Variants in USP43 observed in about 807,000 individuals in gnomAD.
The protein encoded by USP43 is ubiquitin carboxyl-terminal hydrolase 43.
Under a neutral mutation model 90.7 loss-of-function variants are expected in USP43, and 33 were observed. The ratio of observed to expected loss-of-function variants is 0.36; its 90% CI spans 0.28 to 0.49. USP43 has a LOEUF of 0.49. USP43 is among the 20% of genes least tolerant of loss of function. The probability of loss-of-function intolerance (pLI) is 0.98; values close to 1 mark genes in which losing one functional copy is unlikely to be tolerated. For missense variants in USP43, 1,274 were observed against 1,476.4 expected (o/e 0.86, Z 2.25); for synonymous variants, 598 against 615.8 (o/e 0.97, Z 0.43).
rs562135458 is a variant in USP43, at chr17:9,704,807, C to T, written c.2011+3107C>T. ...GTGTTGAACCCCTTCCTTGCAGAGG[C>T]GAGTGTGTGACCTCCACTCCATCTG... On this transcript the variant is annotated intron_variant, in intron 12 of 14. Transcript: ENST00000285199. Among the ~76,000 whole-genome samples, 136 of 150,606 alleles carry T rather than the reference C, an allele frequency of 9.0e-4. No individual in the cohort carries two copies. In the South Asian group the frequency reaches 0.021, roughly 24 times the overall value.
At chr17:9,685,473 G>A (rs1309390676) in intron 7 of USP43, among the ~76,000 whole-genome samples, 1 of 152,116 alleles carries the variant, frequency 6.6e-6, no homozygotes, top group Non-Finnish European at 1.5e-5. Flanking sequence ...CCTTCCCCTG[G>A]CTCCAAGCTT....
intron 8 of USP43, 109 bp from the exon 9 acceptor site, chr17:9,693,018 C>A: frequency 1.2e-6 from 1 of 850,486 alleles, no homozygotes; most frequent in South Asian, 1.7e-5. Flanking sequence ...ATTCAAAATA[C>A]ACTATGGAAA....
At chr17:9,714,024 T>A (rs575632003) in intron 14 of USP43, among the ~76,000 whole-genome samples, 15 of 152,310 alleles carry the variant, frequency 9.8e-5, no homozygotes, top group African/African-American at 3.4e-4. Flanking sequence ...CATGAGATTC[T>A]CATAAGGAGC....
rs1476207161 is a variant in USP43, at chr17:9,729,182, C to G, written c.*192C>G. 1.8e-5 allele frequency: 8 copies of G among 439,276 alleles called. No individual in the cohort carries two copies. Among genetic ancestry groups the G allele is most frequent in the African/African-American group, 6.1e-5 (3 of 48,950 alleles). 27.2% of individuals were successfully genotyped at this position (439,276 alleles called of 1,614,324 possible). On this transcript the variant is annotated 3_prime_UTR_variant, in exon 15 of 15. Transcript: ENST00000285199. ...ACCCAAGGTCCATATAACCCAAGGT[C>G]GAAAACCTTCCTGCATCATTGGGTG...
chr17:9,667,512 A>G (rs1913116889), intron 3 of USP43, among the ~76,000 whole-genome samples: 1 of 152,268 alleles, frequency 6.6e-6, no homozygotes, highest in Non-Finnish European at 1.5e-5. Flanking sequence ...CATACAAGGC[A>G]GAATCGTTTC....
chr17:9,677,927 A>G (rs1456848220), intron 5 of USP43, among the ~76,000 whole-genome samples: 6 of 152,094 alleles, frequency 3.9e-5, no homozygotes, highest in Admixed American at 2.6e-4. Flanking sequence ...CCCCTGCCCA[A>G]TCAATCCCTC....
chr17:9,664,845 G>C (rs1912912768), intron 2 of USP43, among the ~76,000 whole-genome samples: 1 of 152,130 alleles, frequency 6.6e-6, no homozygotes, highest in African/African-American at 2.4e-5. Context: ...CACCGTGTTA[G>C]CCAGGATGGT....
intron 3 of USP43, among the ~76,000 whole-genome samples, chr17:9,669,145 G>A (rs1913234012): frequency 6.6e-6 from 1 of 152,076 alleles, no homozygotes; most frequent in African/African-American, 2.4e-5. Context: ...CGCCCGGCCG[G>A]GCATCTGTCT....
At chr17:9,716,797 G>T (rs902877536) in intron 14 of USP43, among the ~76,000 whole-genome samples, 1 of 152,118 alleles carries the variant, frequency 6.6e-6, no homozygotes, top group Non-Finnish European at 1.5e-5. Flanking sequence ...GAAGCTATCT[G>T]CAATGTCTGC....
chr17:9,651,901 A>G (rs73255726), intron 1 of USP43, among the ~76,000 whole-genome samples: 4,026 of 152,324 alleles, frequency 0.026, 166 homozygotes, highest in African/African-American at 0.09. Context: ...GTCATTCATG[A>G]TACCAGATAG....
chr17:9,649,669 G>T (rs1911720226), intron 1 of USP43, among the ~76,000 whole-genome samples: 1 of 125,372 alleles, frequency 8.0e-6, no homozygotes, highest in Non-Finnish European at 1.6e-5. Flanking sequence ...ATTAAATGTT[G>T]CACATTGTAA....
In USP43 at chr17:9,712,045, C is replaced by T; in HGVS notation, c.2248C>T (p.Leu750=). 6.2e-7 allele frequency: 1 copy of T among 1,612,936 alleles called. No individual in the cohort carries two copies. Among genetic ancestry groups the T allele is most frequent in the Non-Finnish European group, 8.5e-7 (1 of 1,179,402 alleles). The change falls in exon 14 of 15, where the codon CTG becomes TTG. Residue 750 remains leucine, a synonymous_variant. Transcript: ENST00000285199. Reference sequence around the variant, plus strand: ...CGCTGGCAGCACAAGGGGAAGCCTGCTGTCCTGGAGCTCTGCCCCCTGCCC... The same window carrying T: ...CGCTGGCAGCACAAGGGGAAGCCTGTTGTCCTGGAGCTCTGCCCCCTGCCC... The part of the protein sequence containing the change: ...SHAGSTRGSL[L]SWSSAPCPSL...
At chr17:9,682,136 ACTT>A (rs1194431326) in intron 6 of USP43, among the ~76,000 whole-genome samples, 2 of 152,144 alleles carry the variant, frequency 1.3e-5, no homozygotes, top group East Asian at 3.8e-4. Flanking sequence ...ATCTCTATAT[ACTT>A]CTTATGTTGG....
At chr17:9,676,984 A>T in intron 5 of USP43, 103 bp downstream of exon 5, 1 of 1,429,336 alleles carries the variant, frequency 7.0e-7, no homozygotes, top group South Asian at 1.4e-5. Flanking sequence ...AGGTGACTCC[A>T]GTATGACTCA....
In USP43 at chr17:9,682,948, C is replaced by A. The variant is rs779560239; in HGVS notation, c.1231C>A (p.Gln411Lys). 1.1e-5 allele frequency: 18 copies of A among 1,613,084 alleles called. No homozygotes were observed. The East Asian group carries it at 3.8e-4, about 34-fold the overall frequency. Residue 411 changes from glutamine to lysine, a missense_variant, in exon 7 of 15, where the codon CAG becomes AAG. Transcript: ENST00000285199. Reference sequence around the variant, plus strand: ...CTGTAACTTGGTGGGGTCAGGGCAGCAGGCTAGCAGGTATGTTTCACTTTA... The same window carrying A: ...CTGTAACTTGGTGGGGTCAGGGCAGAAGGCTAGCAGGTATGTTTCACTTTA... ...LFCNLVGSGQ[Q>K]ASRFGPPFLI... is the part of the protein sequence containing the mutation.
intron 3 of USP43, among the ~76,000 whole-genome samples, chr17:9,672,485 C>T (rs906893871): frequency 3.9e-5 from 6 of 152,074 alleles, no homozygotes; most frequent in African/African-American, 7.2e-5. Flanking sequence ...AGCATGAAGA[C>T]GTCAATGAAA....
chr17:9,706,865 G>C (rs1915913931), intron 12 of USP43, among the ~76,000 whole-genome samples: 1 of 151,856 alleles, frequency 6.6e-6, no homozygotes, highest in South Asian at 2.1e-4. Context: ...GGCTGGTCTT[G>C]AACTCCTGAC....
chr17:9,700,831 A>G (rs1330830427), intron 10 of USP43, among the ~76,000 whole-genome samples: 1 of 152,224 alleles, frequency 6.6e-6, no homozygotes, highest in African/African-American at 2.4e-5. Context: ...CAGTCCAGCA[A>G]GTATTTATTG....
At chr17:9,655,084 GAAAAAAA>G (rs57985388) in intron 1 of USP43, among the ~76,000 whole-genome samples, 8 of 37,326 alleles carry the variant, frequency 2.1e-4, no homozygotes, top group South Asian at 1.2e-3. Flanking sequence ...AGAAAGAAAG[GAAAAAAA>G]AAAAAAAAAA....
Sources: gnomAD v4.1 joint callset for allele counts (sites outside exome capture counted in the v4.1 genomes callset) on GRCh38, gnomAD v4.1.1 for gene constraint, MANE v1.5 for transcripts, NCBI Gene and HGNC (gene_info 2026-07-23, HGNC 2026-07-21) for gene names.